MTUS1: variants seen among roughly 807,000 people sequenced by gnomAD.
The protein encoded by MTUS1 is microtubule-associated tumor suppressor 1.
In MTUS1, 109 loss-of-function variants were observed where a neutral mutation model predicts 120.8. The observed-to-expected ratio is 0.90, with a 90% CI of 0.77 to 1.06. The LOEUF (loss-of-function observed/expected upper bound fraction) is 1.06, where lower values mean the gene tolerates loss of function less well. MTUS1 is among the 50% of genes least tolerant of loss of function. MTUS1 has a pLI of 0.00. For missense variants in MTUS1, 2,210 were observed against 1,486.3 expected (o/e 1.49, Z -8.01); for synonymous variants, 737 against 550.5 (o/e 1.34, Z -4.74).
intron 6 of MTUS1, 97 bp from the exon 7 acceptor site, chr8:17,684,639 T>C: frequency 1.1e-6 from 1 of 928,388 alleles, no homozygotes; most frequent in South Asian, 1.4e-5. Flanking sequence ...GCCACAGAAA[T>C]CCATTTAAGT....
intron 6 of MTUS1, among the ~76,000 whole-genome samples, chr8:17,685,425 C>A (rs538157105): frequency 2.7e-5 from 4 of 150,284 alleles, no homozygotes. Context: ...TTGAAATAAA[C>A]AAGCCAAGTA....
At chr8:17,758,261 T>C (rs537966367) in intron 1 of MTUS1, 58 of 152,342 alleles carry the variant, frequency 3.8e-4, no homozygotes, top group African/African-American at 1.4e-3. Flanking sequence ...TTTTCTTCGC[T>C]AACAGTGCTC....
In MTUS1 at chr8:17,788,133, G is replaced by T. The variant is rs139544134; in HGVS notation, c.-155+12928C>A. Among the ~76,000 whole-genome samples, 681 of 152,030 alleles carry T rather than the reference G, an allele frequency of 4.5e-3. 1 individual carries two copies. The highest frequency in any genetic ancestry group is 0.016 in the African/African-American group (651 of 41,498). On this transcript the variant is annotated intron_variant, in intron 1 of 14. Coordinates refer to ENST00000693296, the MANE Select transcript of MTUS1 (RefSeq NM_001363059.2). ...CAAAACTCCATCTCAAAAAAAAAAA[G>T]ACATTCTAAGGTGATGGACACATTC...
chr8:17,739,386 G>A (rs947368038), intron 3 of MTUS1, among the ~76,000 whole-genome samples: 2 of 151,890 alleles, frequency 1.3e-5, no homozygotes, highest in Non-Finnish European at 2.9e-5. Flanking sequence ...CCAGCTACTC[G>A]GGAGGCTGAG....
intron 1 of MTUS1, among the ~76,000 whole-genome samples, chr8:17,766,675 G>C (rs1165766892): frequency 6.6e-6 from 1 of 152,190 alleles, no homozygotes; most frequent in African/African-American, 2.4e-5. Context: ...GTTTGTTGTT[G>C]TTGTGGGGTC....
intron 4 of MTUS1, among the ~76,000 whole-genome samples, chr8:17,716,787 C>A (rs1324416140): frequency 6.6e-6 from 1 of 152,178 alleles, no homozygotes; most frequent in Non-Finnish European, 1.5e-5. Flanking sequence ...ATCTCCTGAC[C>A]TCGTGATCTG....
In MTUS1 at chr8:17,645,739, G is replaced by A. The variant is rs1235797345; in HGVS notation, c.*187C>T. The A allele has an allele frequency of 4.6e-6, 3 of 654,980 alleles. No homozygotes were observed. Among genetic ancestry groups the A allele is most frequent in the Non-Finnish European group, 7.0e-6 (3 of 428,998 alleles). The allele number at this position is 654,980 out of a possible 1,614,324, so 40.6% of individuals were successfully genotyped here. Reference sequence around the variant, plus strand: ...TTTTTTTGGAGGAATCTTTTGGACGGAGGCAAAAGTCTTCCTCCAGAGTTC... The same window carrying A: ...TTTTTTTGGAGGAATCTTTTGGACGAAGGCAAAAGTCTTCCTCCAGAGTTC... On this transcript the variant is annotated 3_prime_UTR_variant, in exon 15 of 15. Transcript: ENST00000693296.
intron 3 of MTUS1, among the ~76,000 whole-genome samples, chr8:17,727,743 G>C (rs2046313897): frequency 6.6e-6 from 1 of 152,172 alleles, no homozygotes; most frequent in Non-Finnish European, 1.5e-5. Flanking sequence ...AAAGATTTAA[G>C]ATCTACTTGC....
Position 17,776,891 on chromosome 8 carries a change from CTCTTT to C in MTUS1, c.-154-20935_-154-20931del, listed in dbSNP as rs763632214. Among the ~76,000 whole-genome samples the C allele has an allele frequency of 3.1e-4, 47 of 152,128 alleles. No homozygotes were observed. In the East Asian group the frequency reaches 5.2e-3, roughly 17 times the overall value. On this transcript the variant is annotated intron_variant, in intron 1 of 14. Transcript: ENST00000693296. ...TGCGTAATACTCCCTGGGCTCTCTCCTCTTTTAAGACCTAATTGTAATTGCGCTTT... is the reference window on the plus strand; with the variant it reads ...TGCGTAATACTCCCTGGGCTCTCTCCTAAGACCTAATTGTAATTGCGCTTT...
intron 1 of MTUS1, among the ~76,000 whole-genome samples, chr8:17,757,867 A>G (rs748831736): frequency 7.2e-5 from 11 of 152,272 alleles, no homozygotes; most frequent in Non-Finnish European, 8.8e-5. Flanking sequence ...GCTTTTGGTC[A>G]AACTGCAGTG....
chr8:17,682,764 A>G (rs560185796), intron 7 of MTUS1, among the ~76,000 whole-genome samples: 9 of 152,290 alleles, frequency 5.9e-5, no homozygotes, highest in African/African-American at 2.2e-4. Context: ...ATAAAAACTA[A>G]TTGTTCCCCA....
chr8:17,781,556 C>A (rs2050876469), intron 1 of MTUS1, among the ~76,000 whole-genome samples: 1 of 152,156 alleles, frequency 6.6e-6, no homozygotes, highest in African/African-American at 2.4e-5. Flanking sequence ...AGAAACATAT[C>A]CCAGTAAGCC....
intron 7 of MTUS1, among the ~76,000 whole-genome samples, chr8:17,677,645 T>TTCAACTCC (rs1409163427): frequency 6.6e-6 from 1 of 152,166 alleles, no homozygotes; most frequent in Non-Finnish European, 1.5e-5. Context: ...TTCCCCAAAC[T>TTCAACTCC]TCAACTCCAC....
At chr8:17,801,364 G>C (rs2052665545), upstream of MTUS1, 1 of 151,772 alleles carries the variant, frequency 6.6e-6, no homozygotes, top group African/African-American at 2.4e-5. Flanking sequence ...GGCTCCTTCC[G>C]AAGGCTCCAC....
chr8:17,765,381 C>T lies in MTUS1; in HGVS notation c.-154-9420G>A, dbSNP rs187755666. Reference sequence around the variant, plus strand: ...TGGTGGCTCATGCCTGTAATCCCAGCACTTTGGGAGGCCGAGGCAGGCAGA... The same window carrying T: ...TGGTGGCTCATGCCTGTAATCCCAGTACTTTGGGAGGCCGAGGCAGGCAGA... On this transcript the variant is annotated intron_variant, in intron 1 of 14. Coordinates refer to ENST00000693296, the MANE Select transcript of MTUS1 (RefSeq NM_001363059.2). Among the ~76,000 whole-genome samples, 394 of 152,236 alleles carry T rather than the reference C, an allele frequency of 2.6e-3. 1 individual carries two copies. Among genetic ancestry groups the T allele is most frequent in the African/African-American group, 9.2e-3 (382 of 41,546 alleles).
chr8:17,655,286 T>A (rs573987482), intron 9 of MTUS1, among the ~76,000 whole-genome samples: 208 of 137,078 alleles, frequency 1.5e-3, no homozygotes, highest in African/African-American at 5.1e-3. Context: ...CAGATGCCAC[T>A]AAAAAAAAAA....
At chr8:17,757,376 G>A (rs746247418) in intron 1 of MTUS1, among the ~76,000 whole-genome samples, 9 of 152,128 alleles carry the variant, frequency 5.9e-5, no homozygotes, top group Non-Finnish European at 1.3e-4. Context: ...CTGCTAATTG[G>A]GATGACGTTT....
intron 2 of MTUS1, among the ~76,000 whole-genome samples, chr8:17,745,550 C>T (rs2047679680): frequency 6.6e-6 from 1 of 152,140 alleles, no homozygotes; most frequent in Admixed American, 6.5e-5. Context: ...TTCATTTTTA[C>T]TATGAAACAA....
At chr8:17,739,113 G>A (rs972092834) in intron 3 of MTUS1, among the ~76,000 whole-genome samples, 8 of 151,892 alleles carry the variant, frequency 5.3e-5, no homozygotes, top group Middle Eastern at 3.2e-3. Context: ...AGTGCACTCC[G>A]GCCTGGACGA....
Sources: allele counts gnomAD v4.1 joint callset (sites outside exome capture counted in the v4.1 genomes callset), GRCh38; gene constraint gnomAD v4.1.1; transcripts MANE v1.5; gene names NCBI Gene and HGNC (gene_info 2026-07-23, HGNC 2026-07-21).